The following POLG variants were observed in gnomAD, a reference collection of about 807,000 sequenced individuals.
POLG encodes the protein DNA polymerase gamma, catalytic subunit.
POLG carries 110 observed loss-of-function variants against 155.4 expected under a neutral mutation model. That is an observed-to-expected ratio of 0.71 (90% CI 0.61 to 0.83). The LOEUF (loss-of-function observed/expected upper bound fraction) is 0.83. POLG is among the 40% of genes least tolerant of loss of function. The pLI is 0.00. For missense variants in POLG, 1,685 were observed against 1,627.5 expected (o/e 1.04, Z -0.61); for synonymous variants, 701 against 631.5 (o/e 1.11, Z -1.65).
chr15:89,320,024 G>A (rs1012657560), intron 18 of POLG, among the ~76,000 whole-genome samples: 6 of 152,124 alleles, frequency 3.9e-5, no homozygotes, highest in African/African-American at 7.2e-5. Context: ...ACCAGCACAC[G>A]CTGCTCACGG....
intron 22 of POLG, 99 bp downstream of exon 22, chr15:89,317,277 G>A: frequency 9.7e-7 from 1 of 1,026,202 alleles, no homozygotes; most frequent in Non-Finnish European, 1.5e-6. Flanking sequence ...TGAGTCAAGA[G>A]TGGATTCTCT....
intron 6 of POLG, among the ~76,000 whole-genome samples, chr15:89,328,020 TTAG>T (rs757117437): frequency 6.7e-6 from 1 of 149,138 alleles, no homozygotes; most frequent in Non-Finnish European, 1.5e-5. Flanking sequence ...CAGCAAGCTA[TTAG>T]TAGTTAAGCT....
At position 89,326,690 on chromosome 15, in the gene POLG, G is replaced by A; in HGVS notation, c.1634C>T (p.Ala545Val). The A allele has an allele frequency of 6.2e-7, 1 of 1,614,148 alleles. No individual in the cohort carries two copies. The highest frequency in any genetic ancestry group is 8.5e-7 in the Non-Finnish European group (1 of 1,180,032). ...CTTCAGCTTCTGCAAGCAGGCGCGG[G>A]CCATGACATCTTGTTGAAACTCCTC... The part of the protein sequence containing the change: ...EEEEFQQDVM[A>V]RACLQKLKGT... Residue 545 changes from alanine to valine, a missense_variant, in exon 9 of 23, where the codon GCC becomes GTC. Around this residue, in one of 3 missense-constraint regions of POLG, gnomAD observed 1,210 missense variants for 1,167.1 expected, o/e 1.04. Transcript: ENST00000268124.
At chr15:89,330,888 T>C (rs2055585481) in intron 2 of POLG, among the ~76,000 whole-genome samples, 2 of 148,672 alleles carry the variant, frequency 1.3e-5, no homozygotes, top group Non-Finnish European at 3.0e-5. Flanking sequence ...AGAAAATGTA[T>C]GTGTATGTGA....
At chr15:89,331,688 G>C (rs2055595952) in intron 2 of POLG, among the ~76,000 whole-genome samples, 2 of 152,304 alleles carry the variant, frequency 1.3e-5, no homozygotes, top group South Asian at 4.1e-4. Context: ...ATTGTGGGCT[G>C]GTCAGGTACC....
In POLG at chr15:89,324,194, G is replaced by C. The variant is rs948431638; in HGVS notation, c.1983C>G (p.Leu661=). The change falls in exon 11 of 23, where the codon CTC becomes CTG. Residue 661 remains leucine (L), a synonymous_variant. Transcript: ENST00000268124. ...GCATCAGCTGCTGCTTCCCCTGTTC[G>C]AGACAGTGCTTCCTGTACAGGGACT... ...AIESLYRKHC[L]EQGKQQLMPQ... The C allele has an allele frequency of 1.2e-6, 2 of 1,613,430 alleles. No individual in the cohort carries two copies. The highest frequency in any genetic ancestry group is 1.7e-6 in the Non-Finnish European group (2 of 1,180,026).
At chr15:89,319,786 A>G (rs2055367480) in intron 18 of POLG, among the ~76,000 whole-genome samples, 1 of 152,202 alleles carries the variant, frequency 6.6e-6, no homozygotes, top group African/African-American at 2.4e-5. Context: ...CATTTGTTGA[A>G]GCAGAAAACA....
chr15:89,317,032 CT>C (rs2055291663), intron 22 of POLG: 1 of 601,548 alleles, frequency 1.7e-6, no homozygotes, highest in Non-Finnish European at 2.9e-6. Flanking sequence ...AGAAAATAAG[CT>C]TTCTGATTTA....
intron 9 of POLG, 26 bp downstream of exon 9, chr15:89,326,586 C>T (rs762153604): frequency 1.2e-5 from 20 of 1,611,948 alleles, no homozygotes; most frequent in Non-Finnish European, 1.7e-5. Context: ...ACTCTAGATA[C>T]ACTGCTGGGG....
rs140079523 is a variant in POLG, at chr15:89,318,962, C to A, written c.3242G>T (p.Arg1081Leu). Residue 1081 changes from arginine to leucine, a missense_variant, in exon 20 of 23, where the codon CGA (arginine) becomes CTA (leucine). Physicochemically the swap from Arg to Leu is moderately radical, Grantham distance 102. Around this residue, in one of 3 missense-constraint regions of POLG, gnomAD observed 470 missense variants for 439.9 expected, o/e 1.07. Coordinates refer to ENST00000268124, the MANE Select transcript of POLG (RefSeq NM_002693.3). ...RTPVLGCCIS[R>L]ALEPSAVQEE... ...CTGGACAGCCGAGGGCTCCAGGGCT[C>A]GGCTGATGCAGCAGCCCAGCACCGG... The A allele has an allele frequency of 1.2e-6, 2 of 1,614,130 alleles. No individual in the cohort carries two copies. The highest frequency in any genetic ancestry group is 1.1e-5 in the South Asian group (1 of 91,082).
chr15:89,325,738 G>C lies in POLG; in HGVS notation c.1713-52C>G, dbSNP rs780703742. The C allele has an allele frequency of 7.3e-6, 10 of 1,365,610 alleles. No individual in the cohort carries two copies. In the African/African-American group the frequency reaches 1.3e-4, roughly 17 times the overall value. 84.6% of individuals were successfully genotyped at this position (1,365,610 alleles called of 1,614,324 possible). On this transcript the variant is annotated intron_variant, in intron 9 of 22. Coordinates refer to ENST00000268124, the MANE Select transcript of POLG (RefSeq NM_002693.3). Reference sequence around the variant, plus strand: ...GTCACGATGGTAAGGGCAGTTGTTGGGGGGAAGGTTCTCTCTCTCACAATG... The same window carrying C: ...GTCACGATGGTAAGGGCAGTTGTTGCGGGGAAGGTTCTCTCTCTCACAATG...
At position 89,324,968 on chromosome 15, in the gene POLG, C is replaced by A. The variant is rs560262061; in HGVS notation, c.1949+482G>T. On this transcript the variant is annotated intron_variant, in intron 10 of 22. Transcript: ENST00000268124. ...GTCCTCCCCACTGTGAACATCTCAA[C>A]ATACTCCCTCCCAGAGCTCTGAGAT... 2.0e-5 allele frequency among the ~76,000 whole-genome samples: 3 copies of A among 152,166 alleles called. No homozygotes were observed. In the South Asian group the frequency reaches 6.2e-4, roughly 32 times the overall value.
chr15:89,323,596 C>T (rs2055429528), intron 12 of POLG, 85 bp from the exon 13 acceptor site: 15 of 927,032 alleles, frequency 1.6e-5, no homozygotes, highest in Non-Finnish European at 2.5e-5. Flanking sequence ...GGAAAAGGGC[C>T]TGAAACTGTC....
rs10637324 is a variant in POLG at position 89,325,107 on chromosome 15, A to AGTGAGTGAGTGAGTGAGT, written c.1949+342_1949+343insACTCACTCACTCACTCAC. On this transcript the variant is annotated intron_variant, in intron 10 of 22. Transcript: ENST00000268124. ...GAGAGAGTGAGTGAGTGAGAGAGTG[A>AGTGAGTGAGTGAGTGAGT]GAGAGAGTGAGTGAGTGAGTGAGAG... 8.2e-5 allele frequency among the ~76,000 whole-genome samples: 3 copies of AGTGAGTGAGTGAGTGAGT among 36,662 alleles called. 1 individual carries two copies. Among genetic ancestry groups the AGTGAGTGAGTGAGTGAGT allele is most frequent in the African/African-American group, 6.9e-4 (3 of 4,340 alleles). The allele number at this position is 36,662 out of a possible 152,430, so 24.1% of individuals were successfully genotyped here.
chr15:89,328,249 A>T (rs1359083722), intron 6 of POLG, among the ~76,000 whole-genome samples: 2 of 152,208 alleles, frequency 1.3e-5, no homozygotes, highest in Non-Finnish European at 2.9e-5. Context: ...ACACAAGCAC[A>T]ACTCCATGGC....
chr15:89,320,669 A>T, intron 18 of POLG, 97 bp downstream of exon 18: 2 of 1,391,232 alleles, frequency 1.4e-6, no homozygotes, highest in Non-Finnish European at 2.0e-6. Flanking sequence ...TGAGAGTTCA[A>T]GTAATGGGCA....
Position 89,333,407 on chromosome 15 carries a change from T to G in POLG, c.348A>C (p.Pro116=). The change falls in exon 2 of 23, where the codon CCA becomes CCC. Residue 116 remains proline (P), a synonymous_variant. Transcript: ENST00000268124. ...GCTCCACGTCGGGCAAGGGCACGGC[T>G]GGCTGCCCCCAGAGCCCGTGCTTCT... ...HLQKHGLWGQ[P]AVPLPDVELR... 1 of 1,604,404 alleles carries G rather than the reference T, an allele frequency of 6.2e-7. No individual in the cohort carries two copies. The highest frequency in any genetic ancestry group is 8.5e-7 in the Non-Finnish European group (1 of 1,178,212).
At chr15:89,316,904 TAATGCTAAGGTCAA>T in intron 22 of POLG, 77 bp from the exon 23 acceptor site, 1 of 1,034,902 alleles carries the variant, frequency 9.7e-7, no homozygotes, top group Non-Finnish European at 1.5e-6. Context: ...CAAAGGAGCT[TAATGCTAAGGTCAA>T]AAGGAGAGTG....
intron 6 of POLG, among the ~76,000 whole-genome samples, 177 bp from the exon 7 acceptor site, chr15:89,327,526 C>T (rs2055538924): frequency 6.6e-6 from 1 of 152,190 alleles, no homozygotes; most frequent in African/African-American, 2.4e-5. Context: ...CCCCATCTCT[C>T]GGAGCCTCAG....
Sources: gnomAD v4.1 joint callset for allele counts (sites outside exome capture counted in the v4.1 genomes callset) on GRCh38, gnomAD v4.1.1 for gene constraint, gnomAD v4.1.1 regional missense constraint, MANE v1.5 for transcripts, NCBI Gene and HGNC (gene_info 2026-07-23, HGNC 2026-07-21) for gene names.